PARD3B: variants seen among roughly 807,000 people sequenced by gnomAD.
The protein encoded by PARD3B is partitioning defective 3 homolog B.
A neutral mutation model predicts 130.2 loss-of-function variants in PARD3B; 103 were observed. The observed-to-expected ratio is 0.79, with a 90% confidence interval of 0.67 to 0.93. The LOEUF (loss-of-function observed/expected upper bound fraction) is 0.93. PARD3B is among the 40% of genes least tolerant of loss of function. PARD3B has a pLI of 0.00. For synonymous variants in PARD3B, 583 were observed against 553.2 expected (o/e 1.05, Z -0.76); for missense variants, 1,609 against 1,499.2 (o/e 1.07, Z -1.21).
intron 8 of PARD3B, among the ~76,000 whole-genome samples, chr2:205,123,198 A>G (rs1053787160): frequency 6.6e-6 from 1 of 152,226 alleles, no homozygotes; most frequent in Non-Finnish European, 1.5e-5. Flanking sequence ...ATAGGCATGC[A>G]TTAATAAATG....
At chr2:205,139,304 C>T (rs889224270) in intron 10 of PARD3B, among the ~76,000 whole-genome samples, 10 of 152,016 alleles carry the variant, frequency 6.6e-5, no homozygotes, top group African/African-American at 2.2e-4. Flanking sequence ...TCATTGTCTA[C>T]TTAAAGCTTG....
chr2:205,454,266 A>G (rs936046295), intron 20 of PARD3B, among the ~76,000 whole-genome samples: 1 of 152,152 alleles, frequency 6.6e-6, no homozygotes, highest in Non-Finnish European at 1.5e-5. Context: ...ACAGATTCCA[A>G]AGTGCCCTCC....
intron 3 of PARD3B, among the ~76,000 whole-genome samples, chr2:204,987,748 T>A (rs972585853): frequency 2.7e-4 from 41 of 152,224 alleles, no homozygotes; most frequent in African/African-American, 9.2e-4. Context: ...GGGATCTTAA[T>A]CTTATTTACT....
At chr2:205,303,128 A>G (rs1921792) in intron 18 of PARD3B, among the ~76,000 whole-genome samples, 6,656 of 151,970 alleles carry the variant, frequency 0.044, 432 homozygotes, top group African/African-American at 0.15. Context: ...TATGCAATCC[A>G]ATATAAATGA....
At chr2:205,243,960 TA>T (rs940792371) in intron 15 of PARD3B, among the ~76,000 whole-genome samples, 4 of 152,232 alleles carry the variant, frequency 2.6e-5, no homozygotes, top group Non-Finnish European at 5.9e-5. Flanking sequence ...CTTTTCTACT[TA>T]CAGTGTAGAT....
intron 1 of PARD3B, among the ~76,000 whole-genome samples, chr2:204,595,000 G>A (rs1036423924): frequency 6.6e-6 from 1 of 152,244 alleles, no homozygotes; most frequent in East Asian, 1.9e-4. Context: ...CTGTTCCTTA[G>A]CATCATGGGT....
chr2:205,018,182 A>G (rs1696301743), intron 3 of PARD3B, among the ~76,000 whole-genome samples: 1 of 152,176 alleles, frequency 6.6e-6, no homozygotes. Context: ...TTTCCATGTA[A>G]TACTCAGATC....
At chr2:204,968,048 G>GCT in intron 3 of PARD3B, among the ~76,000 whole-genome samples, 1 of 152,240 alleles carries the variant, frequency 6.6e-6, no homozygotes, top group Middle Eastern at 3.4e-3. Context: ...ATTGGAACTG[G>GCT]TTGTACTTTT....
chr2:205,285,767 T>C (rs889064699), intron 16 of PARD3B, among the ~76,000 whole-genome samples: 1 of 152,162 alleles, frequency 6.6e-6, no homozygotes, highest in African/African-American at 2.4e-5. Context: ...CCTCTGTATC[T>C]TGCCACATCC....
intron 1 of PARD3B, among the ~76,000 whole-genome samples, chr2:204,671,319 A>T (rs2036285574): frequency 6.6e-6 from 1 of 152,100 alleles, no homozygotes; most frequent in Admixed American, 6.6e-5. Context: ...GTTTCTCCAG[A>T]GATAATATCT....
intron 5 of PARD3B, 46 bp from the exon 6 acceptor site, chr2:205,113,444 GT>G: frequency 7.3e-7 from 1 of 1,372,254 alleles, no homozygotes; most frequent in Non-Finnish European, 1.0e-6. Flanking sequence ...TGCTCCCTCT[GT>G]TTTTTAGCAG....
intron 22 of PARD3B, among the ~76,000 whole-genome samples, chr2:205,601,833 C>T (rs1383191072): frequency 6.9e-6 from 1 of 145,602 alleles, no homozygotes; most frequent in Non-Finnish European, 1.5e-5. Context: ...CAGAGACAGT[C>T]TGACTTCCTT....
chr2:205,598,778 A>G (rs2054667467), intron 22 of PARD3B, among the ~76,000 whole-genome samples: 1 of 152,202 alleles, frequency 6.6e-6, no homozygotes, highest in African/African-American at 2.4e-5. Context: ...CTTGGACCAC[A>G]CTGCAATAAA....
At chr2:205,612,554 T>C (rs2055273435) in intron 22 of PARD3B, among the ~76,000 whole-genome samples, 1 of 152,202 alleles carries the variant, frequency 6.6e-6, no homozygotes, top group South Asian at 2.1e-4. Flanking sequence ...AATGTTGTTA[T>C]AAACAACAGC....
intron 3 of PARD3B, among the ~76,000 whole-genome samples, chr2:204,989,596 T>A (rs575789324): frequency 2.0e-3 from 302 of 152,296 alleles, no homozygotes; most frequent in Non-Finnish European, 2.5e-3. Context: ...ATTTCACTTT[T>A]CTGTGGAATA....
At chr2:205,609,053 T>A (rs866646750) in intron 22 of PARD3B, among the ~76,000 whole-genome samples, 7 of 152,188 alleles carry the variant, frequency 4.6e-5, no homozygotes, top group African/African-American at 1.7e-4. Flanking sequence ...CCATAATCAT[T>A]TCTATAATAT....
chr2:205,057,889 C>CT (rs1575666794), intron 4 of PARD3B, among the ~76,000 whole-genome samples: 1 of 150,384 alleles, frequency 6.6e-6, no homozygotes, highest in East Asian at 2.0e-4. Context: ...AAAAAAAAGA[C>CT]TTTTTTCTCT....
At chr2:205,614,364 G>C (rs1164948120) in intron 22 of PARD3B, among the ~76,000 whole-genome samples, 1 of 152,138 alleles carries the variant, frequency 6.6e-6, no homozygotes, top group East Asian at 1.9e-4. Flanking sequence ...TACTGGACTG[G>C]TGCTACTTCC....
intron 10 of PARD3B, among the ~76,000 whole-genome samples, chr2:205,145,329 A>C (rs575817373): frequency 0.011 from 753 of 68,158 alleles, 5 homozygotes; most frequent in African/African-American, 0.035. Context: ...CCGCCCCCGC[A>C]AAAAAAAAAG....
Sources: allele counts gnomAD v4.1 joint callset (sites outside exome capture counted in the v4.1 genomes callset), GRCh38; gene constraint gnomAD v4.1.1; transcripts MANE v1.5; gene names NCBI Gene and HGNC (gene_info 2026-07-23, HGNC 2026-07-21).